CYP4F11: variants seen among roughly 807,000 people sequenced by gnomAD.
The protein encoded by CYP4F11 is cytochrome P450 4F11.
A neutral mutation model predicts 62.2 loss-of-function variants in CYP4F11; 79 were observed. The ratio of observed to expected loss-of-function variants is 1.27; its 90% CI spans 1.06 to 1.53. The LOEUF is 1.53. Ranked by LOEUF, CYP4F11 falls within the 40% of genes most tolerant of loss-of-function variation. The pLI is 0.00. For missense variants in CYP4F11, 777 were observed against 680.5 expected (o/e 1.14, Z -1.58); for synonymous variants, 290 against 263.7 (o/e 1.10, Z -0.97).
chr19:15,933,203 A>G (rs1472579436), intron 1 of CYP4F11, among the ~76,000 whole-genome samples: 2 of 20,486 alleles, frequency 9.8e-5, no homozygotes, highest in Admixed American at 6.0e-4. Context: ...TGAGTGAGTG[A>G]GGAGAGGAAT....
intron 6 of CYP4F11, 70 bp from the exon 7 acceptor site, chr19:15,922,500 A>G (rs1292540610): frequency 6.6e-7 from 1 of 1,518,302 alleles, no homozygotes; most frequent in Non-Finnish European, 9.1e-7. Context: ...AGTCAAACCT[A>G]AGATAATTTC....
At position 15,913,573 on chromosome 19, in the gene CYP4F11, G is replaced by C. The variant is rs559894600; in HGVS notation, c.*159C>G. 4 of 893,492 alleles carry C rather than the reference G, an allele frequency of 4.5e-6. No homozygotes were observed. Among genetic ancestry groups the C allele is most frequent in the Non-Finnish European group, 6.8e-6 (4 of 590,550 alleles). The allele number at this position is 893,492 out of a possible 1,614,324, so 55.3% of individuals were successfully genotyped here. On this transcript the variant is annotated 3_prime_UTR_variant, in exon 12 of 12. Transcript: ENST00000402119. ...AGCCAGAGAGGCCGTCAGGGTTTTG[G>C]GTTCAGAGACGTCACCCTGCCTCCA...
chr19:15,926,160 GAA>G (rs59000790), intron 4 of CYP4F11, among the ~76,000 whole-genome samples: 78,994 of 145,050 alleles, frequency 0.54, 21,671 homozygotes, highest in Non-Finnish European at 0.61. Context: ...TGAGACTCCA[GAA>G]AAAAAAAAAA....
chr19:15,915,018 T>C (rs1240503744), intron 8 of CYP4F11, 123 bp from the exon 9 acceptor site: 2 of 1,440,544 alleles, frequency 1.4e-6, no homozygotes, highest in Admixed American at 2.6e-5. Context: ...GATGAAATAC[T>C]GGAGAATTTA....
At chr19:15,934,117 C>T in intron 1 of CYP4F11, 94 bp downstream of exon 1, 1 of 1,367,860 alleles carries the variant, frequency 7.3e-7, no homozygotes, top group Non-Finnish European at 1.0e-6. Flanking sequence ...CACACCCCAG[C>T]CACCCTCAAA....
chr19:15,917,509 G>T (rs188310374), intron 8 of CYP4F11, among the ~76,000 whole-genome samples: 1 of 152,218 alleles, frequency 6.6e-6, no homozygotes, highest in East Asian at 1.9e-4. Flanking sequence ...CCAAAGAATG[G>T]AATAGGGAGC....
chr19:15,916,731 T>C (rs2089586039), intron 8 of CYP4F11, among the ~76,000 whole-genome samples: 1 of 151,342 alleles, frequency 6.6e-6, no homozygotes, highest in Admixed American at 6.6e-5. Context: ...AGATACCCCC[T>C]ACTTCTGCAA....
Position 15,914,791 on chromosome 19 carries a change from A to T in CYP4F11, c.1220T>A (p.Val407Glu), listed in dbSNP as rs1599369751. Residue 407 changes from valine to glutamate, a missense_variant, in exon 9 of 12, where the codon GTG becomes GAG. Physicochemically the swap from Val to Glu is moderately radical, Grantham distance 121 (BLOSUM62 -2). Transcript: ENST00000402119. ...VISRCCTQDFVLPDGRVIPKG... is the reference protein window; with the variant it reads ...VISRCCTQDFELPDGRVIPKG... ...GGGGATGACGCGGCCGTCTGGGAGC[A>T]CAAAGTCCTGCGTGCAACATCGGGA... 2 of 1,614,216 alleles carry T rather than the reference A, an allele frequency of 1.2e-6. No homozygotes were observed. Among genetic ancestry groups the T allele is most frequent in the Non-Finnish European group, 1.7e-6 (2 of 1,180,044 alleles).
rs2089554614 is a variant in CYP4F11 at position 15,913,581 on chromosome 19, G to C, written c.*151C>G. On this transcript the variant is annotated 3_prime_UTR_variant, in exon 12 of 12. Transcript: ENST00000402119. ...AGGCCGTCAGGGTTTTGGGTTCAGAGACGTCACCCTGCCTCCACCCACTCA... is the reference window on the plus strand; with the variant it reads ...AGGCCGTCAGGGTTTTGGGTTCAGACACGTCACCCTGCCTCCACCCACTCA... The C allele has an allele frequency of 1.0e-6, 1 of 989,588 alleles. No individual in the cohort carries two copies. The highest frequency in any genetic ancestry group is 2.3e-5 in the Admixed American group (1 of 43,326). 61.3% of individuals were successfully genotyped at this position (989,588 alleles called of 1,614,324 possible).
chr19:15,919,227 A>C (rs1343881905), intron 8 of CYP4F11, among the ~76,000 whole-genome samples: 1 of 148,044 alleles, frequency 6.8e-6, no homozygotes, highest in African/African-American at 2.5e-5. Context: ...AAATTAAATA[A>C]ATATGTTAAT....
chr19:15,931,541 CGGGGAGA>C lies in CYP4F11; in HGVS notation c.199-1947_199-1941del, dbSNP rs1386516145. On this transcript the variant is annotated intron_variant, in intron 1 of 11. Transcript: ENST00000402119. Reference sequence around the variant, plus strand: ...ATGGCACATCAGAGGAATGAGTGAGCGGGGAGAGGAATGAGTGAGCGAGGAGAGGAAT... The same window carrying C: ...ATGGCACATCAGAGGAATGAGTGAGCGGAATGAGTGAGCGAGGAGAGGAAT... Among the ~76,000 whole-genome samples the C allele has an allele frequency of 5.5e-5, 4 of 73,270 alleles. 1 individual carries two copies. Among genetic ancestry groups the C allele is most frequent in the Non-Finnish European group, 1.2e-4 (4 of 34,134 alleles). 48.1% of individuals were successfully genotyped at this position (73,270 alleles called of 152,430 possible). A position where few individuals can be genotyped will look rare whatever the true frequency, so the allele number is the denominator to read the frequency against.
intron 2 of CYP4F11, chr19:15,927,851 G>A: frequency 4.3e-6 from 1 of 232,920 alleles, no homozygotes; most frequent in Non-Finnish European, 8.3e-6. Flanking sequence ...CTGGGACCTG[G>A]AATATTGCCC....
At chr19:15,929,197 C>A (rs369227457) in intron 2 of CYP4F11, among the ~76,000 whole-genome samples, 9 of 152,292 alleles carry the variant, frequency 5.9e-5, no homozygotes, top group East Asian at 1.9e-4. Context: ...GGGGCTTTCT[C>A]GAGGACAGGG....
chr19:15,927,391 T>TAAAGGATATCCCC (rs781492464), intron 3 of CYP4F11, 39 bp downstream of exon 3: 13 of 1,613,896 alleles, frequency 8.1e-6, no homozygotes, highest in Non-Finnish European at 8.5e-7. Context: ...CCCTTATCCC[T>TAAAGGATATCCCC]AAAGGATATC....
At position 15,924,854 on chromosome 19, in the gene CYP4F11, C is replaced by T. The variant is rs2089656957; in HGVS notation, c.554G>A (p.Gly185Asp). 1 of 1,612,352 alleles carries T rather than the reference C, an allele frequency of 6.2e-7. No individual in the cohort carries two copies. Among genetic ancestry groups the T allele is most frequent in the Non-Finnish European group, 8.5e-7 (1 of 1,178,922 alleles). ...TTCAAACATGTCCAGTCTGGCGCTGCCCTCTGAGGCCAGGCGCTGCCACTT... is the reference window on the plus strand; with the variant it reads ...TTCAAACATGTCCAGTCTGGCGCTGTCCTCTGAGGCCAGGCGCTGCCACTT... The part of the protein sequence containing the change: ...HDKWQRLASE[G>D]SARLDMFEHI... Residue 185 changes from glycine (G) to aspartate (D), a missense_variant, in exon 5 of 12, where the codon GGC becomes GAC. Physicochemically the swap from Gly to Asp is moderately conservative, Grantham distance 94 (BLOSUM62 -1). Transcript: ENST00000402119.
chr19:15,928,495 T>G (rs1277785289), intron 2 of CYP4F11, among the ~76,000 whole-genome samples: 1 of 152,156 alleles, frequency 6.6e-6, no homozygotes, highest in Non-Finnish European at 1.5e-5. Flanking sequence ...TGATGTGGAT[T>G]AATTGACACC....
At chr19:15,918,533 A>G (rs1446937061) in intron 8 of CYP4F11, among the ~76,000 whole-genome samples, 1 of 152,200 alleles carries the variant, frequency 6.6e-6, no homozygotes, top group Non-Finnish European at 1.5e-5. Context: ...ATTTTTTATT[A>G]TTATTAAAAT....
Position 15,913,761 on chromosome 19 carries a change from C to A in CYP4F11, c.1546G>T (p.Val516Leu). The change falls in exon 12 of 12, where the codon GTG becomes TTG. Residue 516 changes from valine to leucine, a missense_variant. Coordinates refer to ENST00000402119, the MANE Select transcript of CYP4F11 (RefSeq NM_021187.4). ...LRAEGGLWLR[V>L]EPLGANSQ ...TGTGAGTTCGCACCCAGGGGCTCCA[C>A]CCGCAGCCAAAGTCCACCCTCTGCG... 1.2e-6 allele frequency: 2 copies of A among 1,614,166 alleles called. No homozygotes were observed. The highest frequency in any genetic ancestry group is 1.7e-6 in the Non-Finnish European group (2 of 1,180,026).
At chr19:15,921,736 G>T (rs2089630768) in intron 8 of CYP4F11, among the ~76,000 whole-genome samples, 1 of 152,248 alleles carries the variant, frequency 6.6e-6, no homozygotes, top group Non-Finnish European at 1.5e-5. Context: ...GAAGATGTTT[G>T]AAAAAACATG....
Sources: gnomAD v4.1 joint callset for allele counts (sites outside exome capture counted in the v4.1 genomes callset) on GRCh38, gnomAD v4.1.1 for gene constraint, MANE v1.5 for transcripts, NCBI Gene and HGNC (gene_info 2026-07-23, HGNC 2026-07-21) for gene names.